FANCL: variants seen among roughly 807,000 people sequenced by gnomAD.
FANCL encodes E3 ubiquitin-protein ligase FANCL.
In FANCL, 69 loss-of-function variants were observed where a neutral mutation model predicts 59.4. The ratio of observed to expected loss-of-function variants is 1.16; its 90% CI spans 0.96 to 1.42. The LOEUF (loss-of-function observed/expected upper bound fraction) is 1.42, where lower values mean the gene tolerates loss of function less well. Ranked by LOEUF, FANCL falls within the 40% of genes most tolerant of loss-of-function variation. The pLI is 0.00. For missense variants in FANCL, 519 were observed against 447.2 expected (o/e 1.16, Z -1.45); for synonymous variants, 180 against 147.1 (o/e 1.22, Z -1.62).
At chr2:58,175,680 A>C (rs1459653398) in intron 7 of FANCL, among the ~76,000 whole-genome samples, 1 of 152,240 alleles carries the variant, frequency 6.6e-6, no homozygotes, top group African/African-American at 2.4e-5. Flanking sequence ...CCAATATCAC[A>C]GTGAATGGGC....
At chr2:58,171,913 C>T (rs150405034) in intron 7 of FANCL, among the ~76,000 whole-genome samples, 7 of 152,220 alleles carry the variant, frequency 4.6e-5, no homozygotes, top group Non-Finnish European at 7.3e-5. Context: ...CAATACTGCG[C>T]TTTTCCGACG....
At chr2:58,176,073 G>A (rs1238254468) in intron 7 of FANCL, among the ~76,000 whole-genome samples, 1 of 151,544 alleles carries the variant, frequency 6.6e-6, no homozygotes, top group African/African-American at 2.4e-5. Context: ...AACTTACAAG[G>A]GATGTGAAGG....
chr2:58,227,548 G>C (rs1693143711), intron 3 of FANCL, among the ~76,000 whole-genome samples: 2 of 152,138 alleles, frequency 1.3e-5, no homozygotes, highest in Admixed American at 1.3e-4. Context: ...CCGGTCAATG[G>C]CCTGCCGGCA....
At chr2:58,223,985 GAGCAATAAAATC>G (rs1167191213) in intron 4 of FANCL, among the ~76,000 whole-genome samples, 1 of 151,840 alleles carries the variant, frequency 6.6e-6, no homozygotes, top group East Asian at 1.9e-4. Flanking sequence ...TATCTTAAAT[GAGCAATAAAATC>G]ACCAAATTTG....
At chr2:58,223,184 A>G (rs560721969) in intron 4 of FANCL, among the ~76,000 whole-genome samples, 54 of 151,636 alleles carry the variant, frequency 3.6e-4, no homozygotes, top group Non-Finnish European at 5.9e-4. Context: ...ACAGCTGAGA[A>G]TATCAATATG....
At chr2:58,172,845 C>T (rs1029844394) in intron 7 of FANCL, among the ~76,000 whole-genome samples, 3 of 152,120 alleles carry the variant, frequency 2.0e-5, no homozygotes, top group Non-Finnish European at 2.9e-5. Context: ...CTATGAGCTA[C>T]AGGAGGAAAT....
At chr2:58,226,189 T>TGA (rs1692981096) in intron 4 of FANCL, among the ~76,000 whole-genome samples, 1 of 152,140 alleles carries the variant, frequency 6.6e-6, no homozygotes, top group Non-Finnish European at 1.5e-5. Flanking sequence ...TAATCTTCCC[T>TGA]CTTCTTTTGT....
intron 7 of FANCL, among the ~76,000 whole-genome samples, chr2:58,166,176 G>C (rs1573534319): frequency 6.6e-6 from 1 of 151,922 alleles, no homozygotes; most frequent in Non-Finnish European, 1.5e-5. Flanking sequence ...CAAGATGTAT[G>C]TACACACAAC....
chr2:58,169,836 T>A (rs2104850942), intron 7 of FANCL, among the ~76,000 whole-genome samples: 1 of 152,062 alleles, frequency 6.6e-6, no homozygotes, highest in Admixed American at 6.6e-5. Flanking sequence ...AAATAAAGTG[T>A]GAAGACAAGA....
At chr2:58,196,182 G>A (rs1295362593) in intron 7 of FANCL, among the ~76,000 whole-genome samples, 3 of 151,996 alleles carry the variant, frequency 2.0e-5, no homozygotes, top group Non-Finnish European at 4.4e-5. Context: ...ATGCACGGAT[G>A]GCCTATATAC....
chr2:58,173,414 C>A (rs1457449520), intron 7 of FANCL, among the ~76,000 whole-genome samples: 6 of 152,144 alleles, frequency 3.9e-5, no homozygotes, highest in Admixed American at 2.0e-4. Context: ...CAAAGGGAAG[C>A]CCATCAGACT....
intron 7 of FANCL, among the ~76,000 whole-genome samples, chr2:58,197,737 A>C (rs1211553317): frequency 6.6e-6 from 1 of 152,220 alleles, no homozygotes; most frequent in African/African-American, 2.4e-5. Flanking sequence ...AAAGAATATA[A>C]TCAAAGTTTA....
intron 7 of FANCL, among the ~76,000 whole-genome samples, chr2:58,177,429 C>T (rs1687450563): frequency 6.6e-6 from 1 of 152,014 alleles, no homozygotes; most frequent in Non-Finnish European, 1.5e-5. Flanking sequence ...GGCACATATA[C>T]ACCATGGAAT....
At chr2:58,181,003 G>C (rs1425849820) in intron 7 of FANCL, among the ~76,000 whole-genome samples, 2 of 152,132 alleles carry the variant, frequency 1.3e-5, no homozygotes, top group East Asian at 1.9e-4. Context: ...GAAAAGATTT[G>C]ACAATTTCTT....
intron 2 of FANCL, among the ~76,000 whole-genome samples, chr2:58,230,875 A>G (rs1261330925): frequency 6.6e-6 from 1 of 152,168 alleles, no homozygotes; most frequent in Non-Finnish European, 1.5e-5. Context: ...GCTCAAATAT[A>G]TATCTTTAAA....
intron 13 of FANCL, 58 bp downstream of exon 13, chr2:58,160,050 A>C: frequency 1.2e-6 from 2 of 1,606,686 alleles, no homozygotes; most frequent in Non-Finnish European, 1.7e-6. Context: ...TCTATCTTCT[A>C]GAACATATTA....
chr2:58,165,333 A>T (rs1685787714), intron 8 of FANCL, among the ~76,000 whole-genome samples: 1 of 152,208 alleles, frequency 6.6e-6, no homozygotes, highest in Non-Finnish European at 1.5e-5. Context: ...TTCTAACAGA[A>T]AATATTCCCA....
intron 6 of FANCL, among the ~76,000 whole-genome samples, chr2:58,201,459 C>CA (rs1404088269): frequency 6.6e-6 from 1 of 151,776 alleles, no homozygotes; most frequent in Non-Finnish European, 1.5e-5. Flanking sequence ...TATTCTAAAA[C>CA]AAATTTTAAC....
Position 58,193,326 on chromosome 2 carries a change from A to G in FANCL, c.540+5268T>C, listed in dbSNP as rs186783325. 1.6e-4 allele frequency among the ~76,000 whole-genome samples: 25 copies of G among 152,212 alleles called. 1 individual carries two copies. The highest frequency in any genetic ancestry group is 1.9e-4 in the East Asian group (1 of 5,186). On this transcript the variant is annotated intron_variant, in intron 7 of 13. Coordinates refer to ENST00000233741, the MANE Select transcript of FANCL (RefSeq NM_018062.4). ...ACACCTCAATACTACTGCCTAAATA[A>G]AAGCATTAATGGTAACTTTACATTT...
Sources: gnomAD v4.1 joint callset for allele counts (sites outside exome capture counted in the v4.1 genomes callset) on GRCh38, gnomAD v4.1.1 for gene constraint, MANE v1.5 for transcripts, NCBI Gene and HGNC (gene_info 2026-07-23, HGNC 2026-07-21) for gene names.